The following KMT2C variants were observed in gnomAD, a reference collection of about 807,000 sequenced individuals.
The protein encoded by KMT2C is histone-lysine N-methyltransferase 2C.
In KMT2C, 88 loss-of-function variants were observed where a neutral mutation model predicts 507.9. The ratio of observed to expected loss-of-function variants is 0.17; its 90% CI spans 0.15 to 0.21. KMT2C has a LOEUF of 0.21. Among genes scored for constraint, KMT2C ranks in the 10% least tolerant of loss-of-function variants. The pLI is 1.00. For missense variants in KMT2C, 4,954 were observed against 5,957.8 expected (o/e 0.83, Z 5.55); for synonymous variants, 2,049 against 2,080.8 (o/e 0.98, Z 0.42).
chr7:152,253,703 C>G (rs1040853036), intron 9 of KMT2C, among the ~76,000 whole-genome samples: 1 of 151,748 alleles, frequency 6.6e-6, no homozygotes, highest in South Asian at 2.1e-4. Flanking sequence ...TGGGGAAACA[C>G]AGAGCACGGT....
At chr7:152,234,038 G>A (rs2095204255) in intron 16 of KMT2C, among the ~76,000 whole-genome samples, 1 of 152,122 alleles carries the variant, frequency 6.6e-6, no homozygotes, top group Admixed American at 6.6e-5. Flanking sequence ...AGAAGGCTGA[G>A]GCAGGAGAAT....
chr7:152,392,189 T>C (rs2097504281), intron 1 of KMT2C, among the ~76,000 whole-genome samples: 1 of 152,168 alleles, frequency 6.6e-6, no homozygotes, highest in African/African-American at 2.4e-5. Flanking sequence ...GTATCTCATT[T>C]ATCTGTTCTC....
At position 152,435,914 on chromosome 7, in the gene KMT2C, G is replaced by A. The variant is rs966048421; in HGVS notation, c.-128C>T. ...GGCTCAGCCTCTCGCATTTCCCGCA[G>A]CCCCGGGAGCAGCAGCAGGTACCGG... is the stretch of plus-strand genomic sequence containing the variant. On this transcript the variant is annotated 5_prime_UTR_variant, in exon 1 of 59. Coordinates refer to ENST00000262189, the MANE Select transcript of KMT2C (RefSeq NM_170606.3). The A allele has an allele frequency of 6.6e-5, 68 of 1,023,266 alleles. No homozygotes were observed. The highest frequency in any genetic ancestry group is 9.0e-5 in the Non-Finnish European group (67 of 747,638). The allele number at this position is 1,023,266 out of a possible 1,614,324, so 63.4% of individuals were successfully genotyped here. A position where few individuals can be genotyped will look rare whatever the true frequency, so the allele number is the denominator to read the frequency against.
At chr7:152,380,375 C>T (rs2097363135) in intron 1 of KMT2C, among the ~76,000 whole-genome samples, 2 of 152,268 alleles carry the variant, frequency 1.3e-5, no homozygotes, top group Non-Finnish European at 2.9e-5. Flanking sequence ...CAAGGCCAAC[C>T]TGACCACTAT....
intron 43 of KMT2C, among the ~76,000 whole-genome samples, chr7:152,160,072 G>A (rs527805317): frequency 2.5e-4 from 38 of 152,298 alleles, no homozygotes; most frequent in African/African-American, 7.9e-4. Context: ...AAATCAATGA[G>A]CTTGGCTGCG....
At chr7:152,346,637 GT>G (rs951779426) in intron 2 of KMT2C, among the ~76,000 whole-genome samples, 2 of 152,126 alleles carry the variant, frequency 1.3e-5, no homozygotes, top group Admixed American at 1.3e-4. Flanking sequence ...CAATGAGAGG[GT>G]TAGGGGCTCC....
chr7:152,280,995 T>C (rs1049317945), intron 6 of KMT2C, among the ~76,000 whole-genome samples: 5 of 152,144 alleles, frequency 3.3e-5, no homozygotes, highest in African/African-American at 9.7e-5. Flanking sequence ...GCTTTCTGAG[T>C]CCACAAAAGT....
At chr7:152,171,390 T>C in intron 39 of KMT2C, 48 bp from the exon 40 acceptor site, 6 of 1,197,142 alleles carry the variant, frequency 5.0e-6, no homozygotes, top group Non-Finnish European at 7.1e-6. Flanking sequence ...GTTTAGAAAT[T>C]ATTAATATTA....
At chr7:152,348,271 T>C (rs1431046708) in intron 2 of KMT2C, among the ~76,000 whole-genome samples, 4 of 152,136 alleles carry the variant, frequency 2.6e-5, no homozygotes, top group African/African-American at 7.2e-5. Context: ...GAAGAAATTA[T>C]ACCATTTCTC....
chr7:152,139,131 C>A, intron 57 of KMT2C, 55 bp downstream of exon 57: 1 of 1,536,572 alleles, frequency 6.5e-7, no homozygotes, highest in Non-Finnish European at 9.0e-7. Flanking sequence ...GTTCTCTCCA[C>A]CAGCACTGGC....
At chr7:152,412,536 T>C (rs2097694655) in intron 1 of KMT2C, among the ~76,000 whole-genome samples, 1 of 152,192 alleles carries the variant, frequency 6.6e-6, no homozygotes, top group Non-Finnish European at 1.5e-5. Context: ...TAGACAATTA[T>C]TCTCCTGGCT....
At chr7:152,342,974 G>T (rs1258047935) in intron 2 of KMT2C, among the ~76,000 whole-genome samples, 1 of 152,124 alleles carries the variant, frequency 6.6e-6, no homozygotes, top group Non-Finnish European at 1.5e-5. Context: ...AGGGCAGGGT[G>T]GGGAGGAAGA....
intron 37 of KMT2C, 135 bp downstream of exon 37, chr7:152,179,699 G>GGT (rs1260671774): frequency 4.3e-6 from 3 of 697,212 alleles, no homozygotes; most frequent in Non-Finnish European, 4.7e-6. Context: ...TGCCCAGGCT[G>GGT]GTCTCAAACT....
intron 6 of KMT2C, among the ~76,000 whole-genome samples, chr7:152,275,933 G>A (rs1200770976): frequency 1.3e-5 from 2 of 152,142 alleles, no homozygotes; most frequent in South Asian, 4.1e-4. Flanking sequence ...ATAATGAGAG[G>A]TAAGTATATA....
In KMT2C at chr7:152,396,668, T is replaced by A. The variant is rs181638202; in HGVS notation, c.162-37993A>T. ...CTAGGAACAAAGTGCCAAAGTGATTTAGTAAAGAAAAAATGCTATTAGAAC... is the reference window on the plus strand; with the variant it reads ...CTAGGAACAAAGTGCCAAAGTGATTAAGTAAAGAAAAAATGCTATTAGAAC... On this transcript the variant is annotated intron_variant, in intron 1 of 58. Transcript: ENST00000262189. Among the ~76,000 whole-genome samples the A allele has an allele frequency of 3.9e-5, 6 of 152,280 alleles. No homozygotes were observed. In the East Asian group the frequency reaches 1.2e-3, roughly 29 times the overall value.
chr7:152,237,964 A>G (rs1477601330), intron 15 of KMT2C, among the ~76,000 whole-genome samples: 1 of 152,308 alleles, frequency 6.6e-6, no homozygotes, highest in Non-Finnish European at 1.5e-5. Flanking sequence ...AAACTGTCAA[A>G]TGAGGTATAT....
At chr7:152,252,462 T>C (rs1310199971) in intron 10 of KMT2C, 84 bp downstream of exon 10, 14 of 1,097,152 alleles carry the variant, frequency 1.3e-5, no homozygotes. Context: ...TGATAAAAAC[T>C]TAGAAGCTGT....
intron 2 of KMT2C, among the ~76,000 whole-genome samples, chr7:152,355,480 T>G (rs914001898): frequency 6.6e-6 from 1 of 151,382 alleles, no homozygotes; most frequent in African/African-American, 2.4e-5. Context: ...TTAAACTGAA[T>G]AAGACCACCT....
At chr7:152,173,165 C>G (rs1005370803) in intron 39 of KMT2C, among the ~76,000 whole-genome samples, 4 of 152,130 alleles carry the variant, frequency 2.6e-5, no homozygotes, top group African/African-American at 9.7e-5. Flanking sequence ...GCTTCTTAAC[C>G]ATGTCCAAAG....
Sources: gnomAD v4.1 joint callset for allele counts (sites outside exome capture counted in the v4.1 genomes callset) on GRCh38, gnomAD v4.1.1 for gene constraint, MANE v1.5 for transcripts, NCBI Gene and HGNC (gene_info 2026-07-23, HGNC 2026-07-21) for gene names.